PVT1: variants seen among roughly 807,000 people sequenced by gnomAD.
The protein encoded by PVT1 is CXCR4/PVT1 fusion.
intron 2 of PVT1, among the ~76,000 whole-genome samples, chr8:127,809,052 A>AAAAAAAAG (rs1554588311): frequency 9.6e-5 from 13 of 135,024 alleles, no homozygotes; most frequent in African/African-American, 3.1e-4. Flanking sequence ...AAAAAAAAAA[A>AAAAAAAAG]AAAGAAAGAA....
rs35147410 is a variant in PVT1, at chr8:127,937,548, GACACACACACACACACAC to G, written n.782+46566_782+46583del. On this transcript the variant is annotated intron_variant and non_coding_transcript_variant, in intron 3 of 10. Coordinates refer to ENST00000651587, the Ensembl canonical transcript of PVT1. ...AGAAAATGCCCACCCTAGGGAAAAA[GACACACACACACACACAC>G]ACACACACACACACAGAGAGAGAGA... Among the ~76,000 whole-genome samples, 42 of 122,698 alleles carry G rather than the reference GACACACACACACACACAC, an allele frequency of 3.4e-4. 2 individuals are homozygous for G. In the East Asian group the frequency reaches 9.4e-3, roughly 28 times the overall value. The allele number at this position is 122,698 out of a possible 152,430, so 80.5% of individuals were successfully genotyped here. A position where few individuals can be genotyped will look rare whatever the true frequency, so the allele number is the denominator to read the frequency against.
intron 3 of PVT1, among the ~76,000 whole-genome samples, chr8:127,900,386 G>T (rs576553812): frequency 1.0e-3 from 159 of 152,092 alleles, no homozygotes; most frequent in Middle Eastern, 0.01. Context: ...ATAGATAAAT[G>T]GGAAGTCTAT....
intron 2 of PVT1, among the ~76,000 whole-genome samples, chr8:127,878,021 G>C (rs1050130383): frequency 2.6e-5 from 4 of 152,122 alleles, no homozygotes; most frequent in African/African-American, 7.2e-5. Context: ...GAATCTTCAA[G>C]TGCAGGTCCT....
rs1423485381 is a variant in PVT1, at chr8:127,909,387, T to C, written n.782+18389T>C. 2.6e-5 allele frequency among the ~76,000 whole-genome samples: 4 copies of C among 152,240 alleles called. No homozygotes were observed. In the East Asian group the frequency reaches 7.7e-4, roughly 29 times the overall value. ...GCAAGAGTCTTCAAAGTGATGCATCTCGAGAGAGAGAGGGCCTGGGTCTGA... is the reference window on the plus strand; with the variant it reads ...GCAAGAGTCTTCAAAGTGATGCATCCCGAGAGAGAGAGGGCCTGGGTCTGA... On this transcript the variant is annotated intron_variant and non_coding_transcript_variant, in intron 3 of 10. Coordinates refer to ENST00000651587, the Ensembl canonical transcript of PVT1.
intron 4 of PVT1, among the ~76,000 whole-genome samples, chr8:128,036,628 G>A (rs952528865): frequency 5.3e-5 from 8 of 152,138 alleles, no homozygotes; most frequent in African/African-American, 4.8e-5. Context: ...TGATCCTCCC[G>A]TCACTGCAGT....
intron 4 of PVT1, among the ~76,000 whole-genome samples, chr8:128,009,150 C>T (rs931442387): frequency 6.6e-5 from 10 of 152,014 alleles, no homozygotes; most frequent in African/African-American, 2.4e-4. Context: ...TTAGCAGAAA[C>T]ATTTTTGGGG....
chr8:127,944,899 G>C (rs2129914265), intron 3 of PVT1, among the ~76,000 whole-genome samples: 1 of 152,302 alleles, frequency 6.6e-6, no homozygotes, highest in South Asian at 2.1e-4. Flanking sequence ...CCCTCCCCGT[G>C]CTCATGGCTG....
intron 2 of PVT1, among the ~76,000 whole-genome samples, chr8:127,815,755 G>A (rs926712924): frequency 6.6e-6 from 1 of 152,142 alleles, no homozygotes; most frequent in Non-Finnish European, 1.5e-5. Flanking sequence ...CAAATAATTT[G>A]GATGCGACAG....
intron 2 of PVT1, among the ~76,000 whole-genome samples, chr8:127,887,204 C>G (rs1394409521): frequency 6.6e-6 from 1 of 152,174 alleles, no homozygotes; most frequent in African/African-American, 2.4e-5. Flanking sequence ...TTGCCTTGAT[C>G]TCTGTCCTGA....
chr8:127,824,654 T>C (rs1310725413), intron 2 of PVT1, among the ~76,000 whole-genome samples: 1 of 152,184 alleles, frequency 6.6e-6, no homozygotes, highest in Non-Finnish European at 1.5e-5. Context: ...CTTGAGATCA[T>C]GTAATGTCAA....
chr8:127,894,528 C>A (rs1412013760), intron 3 of PVT1, among the ~76,000 whole-genome samples: 1 of 152,184 alleles, frequency 6.6e-6, no homozygotes, highest in African/African-American at 2.4e-5. Context: ...CTACTCCTGT[C>A]CAGCCAGTGT....
chr8:128,058,826 C>T (rs1813794541), intron 4 of PVT1, among the ~76,000 whole-genome samples: 2 of 152,142 alleles, frequency 1.3e-5, no homozygotes, highest in African/African-American at 2.4e-5. Flanking sequence ...ACCATGTCCT[C>T]GAGCCCTCCA....
chr8:127,850,747 G>A (rs957594949), intron 2 of PVT1, among the ~76,000 whole-genome samples: 3 of 152,188 alleles, frequency 2.0e-5, no homozygotes, highest in Non-Finnish European at 4.4e-5. Context: ...GATCAGGAGC[G>A]GTGGCTCACG....
chr8:128,085,929 GC>G (rs1814250231), intron 5 of PVT1, among the ~76,000 whole-genome samples: 1 of 152,182 alleles, frequency 6.6e-6, no homozygotes, highest in Non-Finnish European at 1.5e-5. Context: ...TCTCCAATCT[GC>G]CATTCTGTTT....
intron 2 of PVT1, among the ~76,000 whole-genome samples, chr8:127,853,552 TG>T (rs1007790063): frequency 6.6e-6 from 1 of 151,994 alleles, no homozygotes; most frequent in African/African-American, 2.4e-5. Context: ...AGATCAAAGC[TG>T]GGGGATCACC....
At chr8:127,849,102 C>T (rs865914906) in intron 2 of PVT1, among the ~76,000 whole-genome samples, 5 of 152,172 alleles carry the variant, frequency 3.3e-5, no homozygotes, top group Non-Finnish European at 7.3e-5. Context: ...TTATGGTGCC[C>T]TGGCTCAGTA....
intron 3 of PVT1, among the ~76,000 whole-genome samples, chr8:127,971,384 T>C (rs1045745979): frequency 4.6e-5 from 7 of 152,242 alleles, no homozygotes; most frequent in African/African-American, 1.7e-4. Context: ...CCCACACTGC[T>C]TAGAGAGGTT....
intron 3 of PVT1, among the ~76,000 whole-genome samples, chr8:127,899,196 A>T (rs1815728217): frequency 6.6e-6 from 1 of 152,224 alleles, no homozygotes. Context: ...TTGTTGAGGC[A>T]TGTTAGAAAA....
At chr8:128,003,942 G>A (rs984052941) in intron 4 of PVT1, among the ~76,000 whole-genome samples, 5 of 152,250 alleles carry the variant, frequency 3.3e-5, no homozygotes, top group African/African-American at 1.2e-4. Flanking sequence ...AACTGATTCA[G>A]TTTCTGGTGG....
Sources: gnomAD v4.1 joint callset for allele counts (sites outside exome capture counted in the v4.1 genomes callset) on GRCh38, gnomAD v4.1.1 for gene constraint, MANE v1.5 for transcripts, NCBI Gene and HGNC (gene_info 2026-07-23, HGNC 2026-07-21) for gene names.